The following ENTHD1 variants were observed in gnomAD, a reference collection of about 807,000 sequenced individuals.
ENTHD1 encodes the protein ENTH domain-containing protein 1.
In ENTHD1, 23 loss-of-function variants were observed where a neutral mutation model predicts 39.1. That is an observed-to-expected ratio of 0.59 (90% CI 0.42 to 0.83). ENTHD1 has a LOEUF of 0.83. Among genes scored for constraint, ENTHD1 ranks in the 40% least tolerant of loss-of-function variants. ENTHD1 has a pLI of 0.00. For missense variants in ENTHD1, 624 were observed against 705.4 expected (o/e 0.88, Z 1.31); for synonymous variants, 230 against 258.2 (o/e 0.89, Z 1.05).
chr22:39,798,185 C>T (rs1469751453), intron 5 of ENTHD1, among the ~76,000 whole-genome samples: 1 of 152,024 alleles, frequency 6.6e-6, no homozygotes, highest in African/African-American at 2.4e-5. Context: ...CAAAAGACAT[C>T]TTCATGCTTC....
In ENTHD1 at chr22:39,784,543, T is replaced by TACACACACACACAC. The variant is rs3044403; in HGVS notation, c.833-18948_833-18935dup. ...AAAATGCGCTCTCTCTCTCTCTGTA[T>TACACACACACACAC]ACACACACACACACACACACACACA... On this transcript the variant is annotated intron_variant, in intron 5 of 6. Transcript: ENST00000325157. Among the ~76,000 whole-genome samples, 501 of 142,354 alleles carry TACACACACACACAC rather than the reference T, an allele frequency of 3.5e-3. 3 individuals are homozygous for TACACACACACACAC. Among genetic ancestry groups the TACACACACACACAC allele is most frequent in the South Asian group, 0.022 (94 of 4,262 alleles). 93.4% of individuals were successfully genotyped at this position (142,354 alleles called of 152,430 possible).
intron 6 of ENTHD1, among the ~76,000 whole-genome samples, chr22:39,752,345 G>A (rs1329591737): frequency 6.6e-6 from 1 of 152,176 alleles, no homozygotes; most frequent in Non-Finnish European, 1.5e-5. Context: ...TATATGAAAT[G>A]TTTAGAATAG....
At chr22:39,892,714 A>C (rs1359174182) in intron 1 of ENTHD1, among the ~76,000 whole-genome samples, 1 of 152,224 alleles carries the variant, frequency 6.6e-6, no homozygotes, top group African/African-American at 2.4e-5. Flanking sequence ...GTCCAGAGCT[A>C]TCTCTGAAAA....
At chr22:39,808,032 C>T (rs2065657583) in intron 5 of ENTHD1, among the ~76,000 whole-genome samples, 1 of 152,130 alleles carries the variant, frequency 6.6e-6, no homozygotes, top group Non-Finnish European at 1.5e-5. Flanking sequence ...TAAATGCTGA[C>T]TTTGCCACTT....
intron 5 of ENTHD1, among the ~76,000 whole-genome samples, chr22:39,794,998 C>A (rs2065536046): frequency 6.6e-6 from 1 of 152,018 alleles, no homozygotes; most frequent in African/African-American, 2.4e-5. Context: ...TTATCAAACG[C>A]TTTTTTGACA....
At chr22:39,769,665 A>G (rs2065306658) in intron 5 of ENTHD1, among the ~76,000 whole-genome samples, 1 of 152,160 alleles carries the variant, frequency 6.6e-6, no homozygotes, top group African/African-American at 2.4e-5. Flanking sequence ...ACTCAGAGGA[A>G]GGCCAAGAGA....
chr22:39,819,488 TC>T (rs1217533740), intron 5 of ENTHD1, among the ~76,000 whole-genome samples: 1 of 149,648 alleles, frequency 6.7e-6, no homozygotes, highest in Non-Finnish European at 1.5e-5. Context: ...AAAAAAAAAA[TC>T]TAAAAATCAT....
At chr22:39,887,327 T>A (rs1387520786) in intron 2 of ENTHD1, 73 bp downstream of exon 2, 1 of 1,350,304 alleles carries the variant, frequency 7.4e-7, no homozygotes, top group East Asian at 2.3e-5. Flanking sequence ...TCCTCCCACC[T>A]CAGCCTCCCA....
intron 6 of ENTHD1, 86 bp from the exon 7 acceptor site, chr22:39,744,369 ATCTGGAAGGGC>A (rs1222223141): frequency 3.2e-6 from 4 of 1,258,732 alleles, no homozygotes; most frequent in Non-Finnish European, 4.3e-6. Flanking sequence ...GTAAAAGCCT[ATCTGGAAGGGC>A]TCAACATAAA....
At position 39,780,825 on chromosome 22, in the gene ENTHD1, C is replaced by T. The variant is rs1408861229; in HGVS notation, c.833-15216G>A. ...CATGCTGGCTAACACAGTGAAACCC[C>T]GTCTCTACTAAAAATACAAAAAAAT... is the stretch of plus-strand genomic sequence containing the variant. On this transcript the variant is annotated intron_variant, in intron 5 of 6. Transcript: ENST00000325157. 3.3e-5 allele frequency among the ~76,000 whole-genome samples: 5 copies of T among 152,006 alleles called. No homozygotes were observed. The South Asian group carries it at 8.3e-4, about 25-fold the overall frequency.
rs1362063824 is a variant in ENTHD1, at chr22:39,743,629, T to A, written c.*50A>T. ...AATTTATACAATGCTAACGTAAGTC[T>A]TGGGGAAGTGGAACCACACGAGTTC... On this transcript the variant is annotated 3_prime_UTR_variant, in exon 7 of 7. Transcript: ENST00000325157. The A allele has an allele frequency of 6.6e-7, 1 of 1,524,426 alleles. No homozygotes were observed. The highest frequency in any genetic ancestry group is 1.4e-5 in the African/African-American group (1 of 72,070). The allele number at this position is 1,524,426 out of a possible 1,614,324, so 94.4% of individuals were successfully genotyped here. A position where few individuals can be genotyped will look rare whatever the true frequency, so the allele number is the denominator to read the frequency against.
chr22:39,855,999 C>T (rs112303390), intron 3 of ENTHD1, among the ~76,000 whole-genome samples: 37 of 152,220 alleles, frequency 2.4e-4, no homozygotes, highest in African/African-American at 7.9e-4. Context: ...CGTGGCCGGG[C>T]GCGGTGGCTC....
chr22:39,746,968 T>C (rs995034964), intron 6 of ENTHD1, among the ~76,000 whole-genome samples: 7 of 152,176 alleles, frequency 4.6e-5, no homozygotes, highest in Non-Finnish European at 1.0e-4. Flanking sequence ...ACTTAACCAC[T>C]TTTCAAATGC....
chr22:39,834,369 T>G (rs191351757), intron 4 of ENTHD1, among the ~76,000 whole-genome samples: 13 of 152,182 alleles, frequency 8.5e-5, no homozygotes, highest in Non-Finnish European at 1.3e-4. Context: ...ATGCCACAAA[T>G]AAGCACATGA....
intron 6 of ENTHD1, among the ~76,000 whole-genome samples, chr22:39,758,013 T>G (rs1410284035): frequency 6.6e-6 from 1 of 152,192 alleles, no homozygotes; most frequent in African/African-American, 2.4e-5. Flanking sequence ...TCAACTAAAC[T>G]TCTTTCCTTT....
In ENTHD1 at chr22:39,758,950, G is replaced by GA. The variant is rs551107030; in HGVS notation, c.1219+6272dup. Among the ~76,000 whole-genome samples, 557 of 152,186 alleles carry GA rather than the reference G, an allele frequency of 3.7e-3. 5 individuals carry two copies. Among genetic ancestry groups the GA allele is most frequent in the African/African-American group, 0.012 (491 of 41,518 alleles). ...TGTCAAACCAACCTTATAATTCGGGGAAAAATCCCACTTGGTCATGATGTA... is the reference window on the plus strand; with the variant it reads ...TGTCAAACCAACCTTATAATTCGGGGAAAAAATCCCACTTGGTCATGATGTA... On this transcript the variant is annotated intron_variant, in intron 6 of 6. Transcript: ENST00000325157.
At chr22:39,861,619 T>C in intron 3 of ENTHD1, 146 bp downstream of exon 3, 1 of 559,034 alleles carries the variant, frequency 1.8e-6, no homozygotes, top group African/African-American at 2.0e-5. Flanking sequence ...TATTCTTCGT[T>C]GTTGTTTTCT....
chr22:39,879,105 C>T (rs1329941904), intron 2 of ENTHD1, among the ~76,000 whole-genome samples: 1 of 151,762 alleles, frequency 6.6e-6, no homozygotes, highest in African/African-American at 2.4e-5. Flanking sequence ...TCTTAAAACT[C>T]AACAGTAAAA....
chr22:39,865,214 G>A (rs1037617043), intron 2 of ENTHD1, among the ~76,000 whole-genome samples: 2 of 152,082 alleles, frequency 1.3e-5, no homozygotes, highest in Non-Finnish European at 2.9e-5. Context: ...AGTTGCAATA[G>A]TGGAGGACTT....
Sources: allele counts gnomAD v4.1 joint callset (sites outside exome capture counted in the v4.1 genomes callset), GRCh38; gene constraint gnomAD v4.1.1; transcripts MANE v1.5; gene names NCBI Gene and HGNC (gene_info 2026-07-23, HGNC 2026-07-21).